Variants in WDFY2 observed in about 807,000 individuals in gnomAD.
WDFY2 encodes WD repeat and FYVE domain containing 2.
WDFY2 carries 36 observed loss-of-function variants against 56.4 expected under a neutral mutation model. The ratio of observed to expected loss-of-function variants is 0.64; its 90% confidence interval spans 0.49 to 0.84. WDFY2 has a LOEUF of 0.84. Ranked by LOEUF, WDFY2 falls within the 40% of genes least tolerant of loss-of-function variation. The pLI, the probability that WDFY2 is intolerant of heterozygous loss-of-function variation, is 0.00. For missense variants in WDFY2, 444 were observed against 512.2 expected (o/e 0.87, Z 1.29); for synonymous variants, 176 against 183.7 (o/e 0.96, Z 0.34).
chr13:51,673,812 T>C (rs1955842862), intron 2 of WDFY2, among the ~76,000 whole-genome samples: 1 of 152,160 alleles, frequency 6.6e-6, no homozygotes, highest in Non-Finnish European at 1.5e-5. Flanking sequence ...GGGAATCTGG[T>C]TTTATTTTGT....
intron 1 of WDFY2, among the ~76,000 whole-genome samples, chr13:51,640,415 C>A (rs535135280): frequency 6.6e-6 from 1 of 152,296 alleles, no homozygotes; most frequent in African/African-American, 2.4e-5. Flanking sequence ...CTACTCCTTC[C>A]ACCCTTTGTT....
intron 4 of WDFY2, among the ~76,000 whole-genome samples, chr13:51,710,861 G>T (rs1392675046): frequency 6.6e-6 from 1 of 152,134 alleles, no homozygotes; most frequent in African/African-American, 2.4e-5. Flanking sequence ...TGGCCATACT[G>T]CCCAGGGTAA....
intron 1 of WDFY2, among the ~76,000 whole-genome samples, chr13:51,610,539 G>A (rs1035692594): frequency 6.6e-6 from 1 of 152,166 alleles, no homozygotes; most frequent in African/African-American, 2.4e-5. Flanking sequence ...TTACTCTAAG[G>A]TATCATTTAA....
chr13:51,599,023 C>T (rs188035008), intron 1 of WDFY2, among the ~76,000 whole-genome samples: 41 of 151,956 alleles, frequency 2.7e-4, no homozygotes, highest in African/African-American at 9.7e-4. Context: ...ATTCTCCTGC[C>T]TCAGCCTCCT....
intron 3 of WDFY2, among the ~76,000 whole-genome samples, chr13:51,685,370 C>T (rs1234832753): frequency 6.6e-6 from 1 of 152,194 alleles, no homozygotes; most frequent in African/African-American, 2.4e-5. Context: ...ACTGACCCCA[C>T]CTCCCCTTCC....
intron 1 of WDFY2, among the ~76,000 whole-genome samples, chr13:51,656,566 T>A (rs1955513024): frequency 6.6e-6 from 1 of 152,034 alleles, no homozygotes; most frequent in Non-Finnish European, 1.5e-5. Context: ...GTTCTATCTT[T>A]TATTGTAAGT....
At chr13:51,693,993 C>T (rs934831974) in intron 3 of WDFY2, among the ~76,000 whole-genome samples, 5 of 151,936 alleles carry the variant, frequency 3.3e-5, no homozygotes, top group Non-Finnish European at 5.9e-5. Flanking sequence ...TTATCAGAGA[C>T]TAGGATTGCA....
intron 1 of WDFY2, among the ~76,000 whole-genome samples, chr13:51,595,536 A>T (rs1954128765): frequency 1.3e-5 from 2 of 152,138 alleles, no homozygotes; most frequent in Admixed American, 1.3e-4. Flanking sequence ...TGTTGGGGCT[A>T]AGGTCCTCTG....
chr13:51,740,698 A>G (rs1372527228), intron 7 of WDFY2, among the ~76,000 whole-genome samples: 6 of 149,766 alleles, frequency 4.0e-5, no homozygotes, highest in Non-Finnish European at 8.9e-5. Context: ...TGGGCAACAG[A>G]GCAAGACTCC....
intron 1 of WDFY2, chr13:51,587,372 A>G (rs1953963320): frequency 6.6e-6 from 1 of 152,198 alleles, no homozygotes; most frequent in African/African-American, 2.4e-5. Flanking sequence ...CTGGCATGCA[A>G]TACGTCCTCA....
intron 6 of WDFY2, 25 bp from the exon 7 acceptor site, chr13:51,739,020 CTGAT>C (rs764308185): frequency 1.3e-6 from 2 of 1,531,900 alleles, no homozygotes; most frequent in Non-Finnish European, 1.8e-6. Context: ...TACCTTGTGA[CTGAT>C]GTCTGGTTGT....
At chr13:51,726,084 T>C (rs1952599022) in intron 5 of WDFY2, among the ~76,000 whole-genome samples, 1 of 152,246 alleles carries the variant, frequency 6.6e-6, no homozygotes, top group Admixed American at 6.5e-5. Flanking sequence ...TTGCCACTTT[T>C]GTTAGATCTT....
At chr13:51,676,944 C>T (rs1955897550) in intron 3 of WDFY2, among the ~76,000 whole-genome samples, 1 of 152,146 alleles carries the variant, frequency 6.6e-6, no homozygotes, top group Non-Finnish European at 1.5e-5. Context: ...GCGTAACGCT[C>T]ACTGTCCATG....
intron 8 of WDFY2, 141 bp downstream of exon 8, chr13:51,751,556 G>T: frequency 1.2e-6 from 1 of 850,462 alleles, no homozygotes; most frequent in East Asian, 2.9e-5. Context: ...GAGTTGTTTG[G>T]GTTGTTTTTT....
intron 1 of WDFY2, among the ~76,000 whole-genome samples, chr13:51,618,936 C>T (rs1242239687): frequency 6.6e-6 from 1 of 152,224 alleles, no homozygotes; most frequent in Non-Finnish European, 1.5e-5. Flanking sequence ...AATCACAAGA[C>T]TGCTGGAGCT....
chr13:51,630,182 T>A (rs939209532), intron 1 of WDFY2, among the ~76,000 whole-genome samples: 17 of 152,184 alleles, frequency 1.1e-4, no homozygotes, highest in African/African-American at 4.1e-4. Context: ...CTGTTTTCTT[T>A]AAATCACTGA....
chr13:51,703,527 G>A, intron 3 of WDFY2, 69 bp from the exon 4 acceptor site: 1 of 1,206,740 alleles, frequency 8.3e-7, no homozygotes. Flanking sequence ...TATTCAGTCT[G>A]GTTTTACCAA....
In WDFY2 at chr13:51,719,228, TTG is replaced by T. The variant is rs759036646; in HGVS notation, c.367_368del (p.Val123ProfsTer21). 6.2e-7 allele frequency: 1 copy of T among 1,614,082 alleles called. No homozygotes were observed. The highest frequency in any genetic ancestry group is 1.3e-5 in the African/African-American group (1 of 74,926). On this transcript the variant is annotated frameshift_variant, in exon 5 of 12. Transcript: ENST00000298125. LOFTEE classifies it high-confidence loss of function. ...CAGAGCAGAGTGACGATGATCCTGT[TTG>T]TCCTGGAGCTGGAGTGGGTGCTGAG...
chr13:51,723,037 C>G (rs947342963), intron 5 of WDFY2, among the ~76,000 whole-genome samples: 1 of 152,120 alleles, frequency 6.6e-6, no homozygotes, highest in Non-Finnish European at 1.5e-5. Context: ...AATGTAATCT[C>G]TTAGATTTAT....
Sources: gnomAD v4.1 joint callset for allele counts (sites outside exome capture counted in the v4.1 genomes callset) on GRCh38, gnomAD v4.1.1 for gene constraint, MANE v1.5 for transcripts, NCBI Gene and HGNC (gene_info 2026-07-23, HGNC 2026-07-21) for gene names.